Variants in AR observed in about 807,000 individuals in gnomAD.
AR encodes the protein dihydrotestosterone receptor.
Under a neutral mutation model 53.9 loss-of-function variants are expected in AR, and 8 were observed. That is an observed-to-expected ratio of 0.15 (90% CI 0.09 to 0.27). AR has a LOEUF of 0.27. AR is among the 10% of genes least tolerant of loss of function. AR has a pLI of 1.00. For synonymous variants in AR, 359 were observed against 316.4 expected (o/e 1.13, Z -1.43); for missense variants, 639 against 742.5 (o/e 0.86, Z 1.62).
At chrX:67,623,798 A>G (rs1390856267) in intron 1 of AR, among the ~76,000 whole-genome samples, 1 of 111,722 alleles carries the variant, frequency 9.0e-6, no homozygotes, top group Non-Finnish European at 1.9e-5. Flanking sequence ...AGCAATGAAA[A>G]TGGGGCCATC....
At chrX:67,675,274 G>A (rs944286357) in intron 2 of AR, among the ~76,000 whole-genome samples, 3 of 109,086 alleles carry the variant, frequency 2.8e-5, no homozygotes, top group Non-Finnish European at 3.8e-5. Flanking sequence ...AGGAGGGGTG[G>A]CACAAGCACT....
chrX:67,674,003 C>A (rs1758744348), intron 2 of AR, among the ~76,000 whole-genome samples: 1 of 110,896 alleles, frequency 9.0e-6, no homozygotes, highest in African/African-American at 3.3e-5. Context: ...GCAGCCATAT[C>A]TGCTTTATGG....
In AR at chrX:67,545,316, T is replaced by TGCTGCA. The variant is rs1206863775; in HGVS notation, c.172_173insTGCAGC (p.Leu57_Gln58insLeuGln). The stretch of plus-strand genomic sequence containing the variant: ...CCTCCCGGCGCCAGTTTGCTGCTGC[T>TGCTGCA]GCAGCAGCAGCAGCAGCAGCAGCAG... On this transcript the variant is annotated inframe_insertion, in exon 1 of 8. Transcript: ENST00000374690. The TGCTGCA allele has an allele frequency of 3.6e-5, 36 of 1,003,926 alleles. No individual in the cohort carries two copies. Among genetic ancestry groups the TGCTGCA allele is most frequent in the East Asian group, 2.0e-4 (6 of 30,226 alleles). The allele number at this position is 1,003,926 out of a possible 1,213,427, so 82.7% of individuals were successfully genotyped here.
chrX:67,601,464 G>A (rs1055989585), intron 1 of AR, among the ~76,000 whole-genome samples: 1 of 111,663 alleles, frequency 9.0e-6, no homozygotes, highest in African/African-American at 3.3e-5. Context: ...TAAATGCCGT[G>A]TTCATAGTCC....
In AR at chrX:67,573,692, G is replaced by A. The variant is rs180973810; in HGVS notation, c.1616+26930G>A. ...CCCTTTGGCAAACAATTTGAGGGTG[G>A]CATTGTCACTACCTCATTGTATATA... On this transcript the variant is annotated intron_variant, in intron 1 of 7. Transcript: ENST00000374690. Among the ~76,000 whole-genome samples the A allele has an allele frequency of 7.3e-4, 82 of 111,710 alleles. 1 individual carries two copies. The highest frequency in any genetic ancestry group is 1.2e-3 in the Non-Finnish European group (62 of 53,031).
chrX:67,600,390 C>T (rs1923297319), intron 1 of AR, among the ~76,000 whole-genome samples: 1 of 110,795 alleles, frequency 9.0e-6, no homozygotes, highest in Non-Finnish European at 1.9e-5. Context: ...ATTTTTGCAA[C>T]AAAATGGATG....
chrX:67,669,251 A>C (rs1927421247), intron 2 of AR, among the ~76,000 whole-genome samples: 1 of 111,007 alleles, frequency 9.0e-6, no homozygotes, highest in Admixed American at 9.6e-5. Context: ...TATGTTTCCA[A>C]TTTGGTACAT....
chrX:67,572,351 T>A (rs1602163552), intron 1 of AR, among the ~76,000 whole-genome samples: 1 of 111,548 alleles, frequency 9.0e-6, no homozygotes, highest in Admixed American at 9.5e-5. Flanking sequence ...GCTTTGCACA[T>A]GCAACATAGA....
intron 4 of AR, among the ~76,000 whole-genome samples, chrX:67,717,096 A>C (rs1052596644): frequency 8.9e-6 from 1 of 112,259 alleles, no homozygotes; most frequent in South Asian, 3.7e-4. Context: ...TGTACCCCAT[A>C]AATACATACA....
At chrX:67,676,793 G>T (rs2075902710) in intron 2 of AR, among the ~76,000 whole-genome samples, 1 of 111,606 alleles carries the variant, frequency 9.0e-6, no homozygotes, top group South Asian at 3.7e-4. Context: ...ATAAATGTAT[G>T]GGCTTTTCCA....
chrX:67,695,314 G>A, intron 3 of AR: 2 of 754,360 alleles, frequency 2.7e-6, no homozygotes, highest in African/African-American at 2.3e-5. Flanking sequence ...GCTGAAGGTA[G>A]TAGCTGATCC....
At chrX:67,638,728 C>T (rs1399712590) in intron 1 of AR, among the ~76,000 whole-genome samples, 2 of 111,686 alleles carry the variant, frequency 1.8e-5, no homozygotes, top group African/African-American at 6.5e-5. Context: ...ATTAATTAAC[C>T]TTTCGTCAGA....
At chrX:67,642,815 G>A (rs1195549050) in intron 1 of AR, among the ~76,000 whole-genome samples, 1 of 111,921 alleles carries the variant, frequency 8.9e-6, no homozygotes, top group Non-Finnish European at 1.9e-5. Context: ...TGAGGCTCAC[G>A]AAGCTAAAGC....
chrX:67,642,201 G>C (rs150601558), intron 1 of AR, among the ~76,000 whole-genome samples: 1 of 111,792 alleles, frequency 8.9e-6, no homozygotes, highest in African/African-American at 3.2e-5. Context: ...ATGGGCAGTT[G>C]TCATCTCCCT....
At chrX:67,690,831 C>A (rs1310219541) in intron 3 of AR, among the ~76,000 whole-genome samples, 3 of 111,479 alleles carry the variant, frequency 2.7e-5, no homozygotes, top group African/African-American at 9.8e-5. Flanking sequence ...AAAAGGACAT[C>A]TAAGGTAAAG....
At chrX:67,687,033 G>T (rs997754321) in intron 3 of AR, among the ~76,000 whole-genome samples, 3 of 111,842 alleles carry the variant, frequency 2.7e-5, no homozygotes, top group East Asian at 2.8e-4. Context: ...AATCCACTTC[G>T]ATTTGGAAAT....
intron 2 of AR, among the ~76,000 whole-genome samples, chrX:67,682,913 T>A (rs1275914774): frequency 1.4e-4 from 16 of 112,222 alleles, no homozygotes; most frequent in Non-Finnish European, 2.6e-4. Context: ...ATCTTTGCAA[T>A]CCTCAACCAC....
chrX:67,684,261 G>C (rs925678407), intron 2 of AR, among the ~76,000 whole-genome samples: 1 of 111,878 alleles, frequency 8.9e-6, no homozygotes, highest in Non-Finnish European at 1.9e-5. Flanking sequence ...CGTCCTTTCT[G>C]TGCACATATG....
intron 2 of AR, among the ~76,000 whole-genome samples, chrX:67,649,870 CTTTAG>C (rs1926251428): frequency 1.8e-5 from 2 of 112,091 alleles, no homozygotes; most frequent in Non-Finnish European, 3.8e-5. Context: ...TGCAGAAGCT[CTTTAG>C]TTTAATTAGA....
Sources: gnomAD v4.1 joint callset for allele counts (sites outside exome capture counted in the v4.1 genomes callset) on GRCh38, gnomAD v4.1.1 for gene constraint, MANE v1.5 for transcripts, NCBI Gene and HGNC (gene_info 2026-07-23, HGNC 2026-07-21) for gene names.